CFAP54: variants seen among roughly 807,000 people sequenced by gnomAD.
CFAP54 encodes cilia- and flagella-associated protein 54.
In CFAP54, 290 loss-of-function variants were observed where a neutral mutation model predicts 370.4. The ratio of observed to expected loss-of-function variants is 0.78; its 90% CI spans 0.71 to 0.86. CFAP54 has a LOEUF of 0.86. Ranked by LOEUF, CFAP54 falls within the 40% of genes least tolerant of loss-of-function variation. The pLI is 0.00. For synonymous variants in CFAP54, 1,206 were observed against 1,236.5 expected, an observed-to-expected ratio of 0.98 and a Z score of 0.52; for missense variants, 3,399 against 3,528.7, an observed-to-expected ratio of 0.96 and a Z score of 0.93.
At chr12:96,492,615 T>G (rs1162522117) in intron 1 of CFAP54, among the ~76,000 whole-genome samples, 2 of 152,270 alleles carry the variant, frequency 1.3e-5, no homozygotes, top group Non-Finnish European at 2.9e-5. Flanking sequence ...TGTTTCTTTT[T>G]CATTGCTGTA....
intron 66 of CFAP54, among the ~76,000 whole-genome samples, chr12:96,830,937 A>G (rs566027833): frequency 3.9e-5 from 6 of 152,220 alleles, no homozygotes; most frequent in African/African-American, 9.6e-5. Context: ...TGGTTTCCCA[A>G]TGTGCTGGGA....
intron 55 of CFAP54, among the ~76,000 whole-genome samples, chr12:96,748,016 CA>C (rs1958137210): frequency 1.3e-5 from 2 of 152,048 alleles, no homozygotes; most frequent in Non-Finnish European, 2.9e-5. Flanking sequence ...TCCCAGTCTG[CA>C]GACTCAGATA....
chr12:96,813,436 G>GA (rs1592779059), intron 64 of CFAP54, among the ~76,000 whole-genome samples: 1 of 152,146 alleles, frequency 6.6e-6, no homozygotes, highest in Admixed American at 6.5e-5. Flanking sequence ...AAACAGGTCA[G>GA]AAAAAATAGG....
intron 8 of CFAP54, among the ~76,000 whole-genome samples, chr12:96,525,202 A>G (rs1955365510): frequency 6.6e-6 from 1 of 151,494 alleles, no homozygotes; most frequent in Non-Finnish European, 1.5e-5. Context: ...ATGGCTTGCC[A>G]TTTTAACTTT....
At chr12:96,612,665 C>T (rs1956371657) in intron 26 of CFAP54, among the ~76,000 whole-genome samples, 1 of 152,126 alleles carries the variant, frequency 6.6e-6, no homozygotes, top group African/African-American at 2.4e-5. Context: ...GGAGACCACA[C>T]ATAGGCTCAA....
intron 25 of CFAP54, among the ~76,000 whole-genome samples, chr12:96,597,947 T>C (rs2136440540): frequency 6.6e-6 from 1 of 151,876 alleles, no homozygotes; most frequent in African/African-American, 2.4e-5. Context: ...TAAAAAGTCT[T>C]AGAGATGAGT....
chr12:96,678,218 C>A (rs964593574), intron 39 of CFAP54, among the ~76,000 whole-genome samples: 3 of 152,074 alleles, frequency 2.0e-5, no homozygotes, highest in Non-Finnish European at 4.4e-5. Flanking sequence ...CTGAGATTAA[C>A]CTTTAGAAGT....
chr12:96,548,997 G>A (rs1055875211), intron 15 of CFAP54, among the ~76,000 whole-genome samples: 2 of 152,092 alleles, frequency 1.3e-5, no homozygotes, highest in African/African-American at 4.8e-5. Flanking sequence ...TGAGACTACA[G>A]GCATGTGCCA....
At chr12:96,789,525 A>C (rs1055956399) in intron 62 of CFAP54, among the ~76,000 whole-genome samples, 3 of 152,180 alleles carry the variant, frequency 2.0e-5, no homozygotes, top group Non-Finnish European at 4.4e-5. Context: ...GTTTCAACTG[A>C]TCTATTCTTG....
intron 17 of CFAP54, among the ~76,000 whole-genome samples, chr12:96,563,515 G>T (rs1955836396): frequency 6.6e-6 from 1 of 152,180 alleles, no homozygotes; most frequent in Non-Finnish European, 1.5e-5. Flanking sequence ...AATCAGGAAA[G>T]CTTAATTAGC....
At chr12:96,857,131 G>GAA (rs1959726279) in intron 66 of CFAP54, among the ~76,000 whole-genome samples, 2 of 152,156 alleles carry the variant, frequency 1.3e-5, no homozygotes, top group Non-Finnish European at 2.9e-5. Flanking sequence ...CAGCATGGAG[G>GAA]TAGCTGTCCC....
chr12:96,809,248 T>A (rs981742019), intron 63 of CFAP54, among the ~76,000 whole-genome samples: 3 of 152,170 alleles, frequency 2.0e-5, no homozygotes, highest in African/African-American at 7.2e-5. Context: ...GGCCTTTTTT[T>A]ATTTAATAAT....
At chr12:96,559,714 CATT>C (rs1955796020) in intron 17 of CFAP54, among the ~76,000 whole-genome samples, 1 of 152,066 alleles carries the variant, frequency 6.6e-6, no homozygotes, top group Admixed American at 6.6e-5. Context: ...AAGTTGCAGA[CATT>C]ATGATATATT....
intron 65 of CFAP54, among the ~76,000 whole-genome samples, chr12:96,824,139 G>T (rs1592786655): frequency 6.6e-6 from 1 of 152,126 alleles, no homozygotes; most frequent in African/African-American, 2.4e-5. Context: ...CTCGCTAGCT[G>T]CAGCATGCGT....
chr12:96,516,866 A>G (rs1189748176), intron 5 of CFAP54, among the ~76,000 whole-genome samples: 1 of 152,184 alleles, frequency 6.6e-6, no homozygotes, highest in Non-Finnish European at 1.5e-5. Context: ...AAATGGTGTA[A>G]GCTGATATAA....
intron 43 of CFAP54, 55 bp from the exon 44 acceptor site, chr12:96,691,073 C>A (rs1957382462): frequency 1.3e-6 from 2 of 1,488,728 alleles, no homozygotes; most frequent in Admixed American, 1.9e-5. Context: ...TTTTTTGTTT[C>A]ATTATTGAAA....
chr12:96,664,055 C>G (rs1372063520), intron 39 of CFAP54, 123 bp downstream of exon 39: 2 of 735,576 alleles, frequency 2.7e-6, no homozygotes, highest in Non-Finnish European at 4.5e-6. Context: ...GTTTAGTTGA[C>G]TAAAAATAAT....
In CFAP54 at chr12:96,857,825, C is replaced by T. The variant is rs149757116; in HGVS notation, c.9172-2994C>T. ...CATAATTACAAGTTTCCTGAGTCCTCGCCAGCCATGTGGAACTGTGAGTCA... is the reference window on the plus strand; with the variant it reads ...CATAATTACAAGTTTCCTGAGTCCTTGCCAGCCATGTGGAACTGTGAGTCA... On this transcript the variant is annotated intron_variant, in intron 66 of 67. Coordinates refer to ENST00000524981, the MANE Select transcript of CFAP54 (RefSeq NM_001306084.2). Among the ~76,000 whole-genome samples the T allele has an allele frequency of 3.7e-3, 567 of 152,296 alleles. 3 individuals are homozygous for T. Among genetic ancestry groups the T allele is most frequent in the African/African-American group, 0.013 (530 of 41,564 alleles).
intron 1 of CFAP54, 127 bp downstream of exon 1, chr12:96,490,053 C>A: frequency 1.2e-6 from 1 of 802,606 alleles, no homozygotes; most frequent in Non-Finnish European, 1.9e-6. Context: ...GCTGAAGGGC[C>A]CAGGAGAGAC....
Sources: gnomAD v4.1 joint callset for allele counts (sites outside exome capture counted in the v4.1 genomes callset) on GRCh38, gnomAD v4.1.1 for gene constraint, MANE v1.5 for transcripts, NCBI Gene and HGNC (gene_info 2026-07-23, HGNC 2026-07-21) for gene names.